The following AMBRA1 variants were observed in gnomAD, a reference collection of about 807,000 sequenced individuals.
AMBRA1 encodes the protein autophagy and beclin 1 regulator 1.
In AMBRA1, 47 loss-of-function variants were observed where a neutral mutation model predicts 125.4. The ratio of observed to expected loss-of-function variants is 0.37; its 90% CI spans 0.30 to 0.48. The LOEUF is 0.48. Ranked by LOEUF, AMBRA1 falls within the 20% of genes least tolerant of loss-of-function variation. The probability of loss-of-function intolerance (pLI) is 0.99; values close to 1 mark genes in which losing one functional copy is unlikely to be tolerated. For synonymous variants in AMBRA1, 626 were observed against 655.5 expected (o/e 0.95, Z 0.69); for missense variants, 1,331 against 1,693.4 (o/e 0.79, Z 3.76).
chr11:46,455,269 C>G (rs1436686550), intron 11 of AMBRA1, among the ~76,000 whole-genome samples: 2 of 152,062 alleles, frequency 1.3e-5, no homozygotes, highest in Non-Finnish European at 2.9e-5. Flanking sequence ...TTTAAGTGTA[C>G]AGTTCAGTAG....
intron 10 of AMBRA1, 112 bp downstream of exon 10, chr11:46,494,012 C>G (rs1590947978): frequency 9.7e-7 from 1 of 1,030,476 alleles, no homozygotes; most frequent in Non-Finnish European, 1.5e-6. Flanking sequence ...GGCTATGGGC[C>G]CACTAGGAAA....
chr11:46,511,788 G>A (rs1172645108), intron 8 of AMBRA1, among the ~76,000 whole-genome samples: 1 of 152,204 alleles, frequency 6.6e-6, no homozygotes, highest in Non-Finnish European at 1.5e-5. Flanking sequence ...CACCATCAGT[G>A]AAGGGCAGGC....
At chr11:46,552,633 C>T (rs1002746028) in intron 1 of AMBRA1, among the ~76,000 whole-genome samples, 3 of 148,356 alleles carry the variant, frequency 2.0e-5, no homozygotes, top group Non-Finnish European at 3.0e-5. Flanking sequence ...TGCAGTGAGC[C>T]GTGCCATTGC....
At chr11:46,409,758 A>T (rs994037172) in intron 16 of AMBRA1, among the ~76,000 whole-genome samples, 1 of 152,240 alleles carries the variant, frequency 6.6e-6, no homozygotes, top group African/African-American at 2.4e-5. Flanking sequence ...TATGCTCAGC[A>T]ATTCCTAGGG....
At chr11:46,585,473 C>A (rs2044337544) in intron 1 of AMBRA1, among the ~76,000 whole-genome samples, 1 of 149,374 alleles carries the variant, frequency 6.7e-6, no homozygotes. Flanking sequence ...CGAGACCATC[C>A]TGGCTAACAT....
At position 46,412,918 on chromosome 11, in the gene AMBRA1, T is replaced by A. The variant is rs867505306; in HGVS notation, c.3117-2550A>T. 2.0e-5 allele frequency among the ~76,000 whole-genome samples: 3 copies of A among 152,354 alleles called. No homozygotes were observed. In the South Asian group the frequency reaches 6.2e-4, roughly 32 times the overall value. On this transcript the variant is annotated intron_variant, in intron 15 of 17. Transcript: ENST00000683756. Reference sequence around the variant, plus strand: ...ATGTGAAGCTGGCTGCCAGGAAGACTGATTTACAAACTTGTCAAGATGTAT... The same window carrying A: ...ATGTGAAGCTGGCTGCCAGGAAGACAGATTTACAAACTTGTCAAGATGTAT...
chr11:46,463,788 A>G (rs1949205088), intron 11 of AMBRA1, among the ~76,000 whole-genome samples: 1 of 152,218 alleles, frequency 6.6e-6, no homozygotes, highest in Non-Finnish European at 1.5e-5. Context: ...CAGGGGAAAT[A>G]TAACTGCAGC....
At chr11:46,563,875 TGGC>T (rs922952524) in intron 1 of AMBRA1, among the ~76,000 whole-genome samples, 3 of 143,962 alleles carry the variant, frequency 2.1e-5, no homozygotes, top group African/African-American at 7.8e-5. Context: ...CCAGGCGTGG[TGGC>T]TCACATCTGT....
chr11:46,438,872 A>C (rs146408367), intron 12 of AMBRA1, among the ~76,000 whole-genome samples: 43 of 152,314 alleles, frequency 2.8e-4, no homozygotes, highest in African/African-American at 1.0e-3. Context: ...TCTAAACACT[A>C]ATCTCAAATC....
chr11:46,520,895 G>A (rs192007698), intron 7 of AMBRA1, among the ~76,000 whole-genome samples: 255 of 151,904 alleles, frequency 1.7e-3, no homozygotes, highest in African/African-American at 5.9e-3. Context: ...GTGAGCCACC[G>A]CGCCCGGCCC....
At chr11:46,434,171 T>C (rs1212489742) in intron 13 of AMBRA1, among the ~76,000 whole-genome samples, 3 of 151,352 alleles carry the variant, frequency 2.0e-5, no homozygotes, top group African/African-American at 7.3e-5. Flanking sequence ...TAACCGTTGT[T>C]ATCAACATTT....
At chr11:46,470,952 A>C (rs1464222679) in intron 11 of AMBRA1, among the ~76,000 whole-genome samples, 1 of 152,220 alleles carries the variant, frequency 6.6e-6, no homozygotes, top group Non-Finnish European at 1.5e-5. Flanking sequence ...ACCATATAGT[A>C]TGTTAAATTA....
At chr11:46,458,324 C>T (rs576988540) in intron 11 of AMBRA1, among the ~76,000 whole-genome samples, 1 of 152,288 alleles carries the variant, frequency 6.6e-6, no homozygotes, top group Admixed American at 6.5e-5. Flanking sequence ...GTCTTGAAGC[C>T]TGTTTAAAAC....
intron 12 of AMBRA1, among the ~76,000 whole-genome samples, chr11:46,438,286 T>TCC (rs1947826364): frequency 6.6e-6 from 1 of 152,382 alleles, no homozygotes; most frequent in African/African-American, 2.4e-5. Flanking sequence ...GGAAGCCATG[T>TCC]TCCAGACTCT....
chr11:46,541,697 T>G (rs878886957), intron 7 of AMBRA1, among the ~76,000 whole-genome samples: 2 of 152,206 alleles, frequency 1.3e-5, no homozygotes, highest in African/African-American at 2.4e-5. Context: ...ACACTCTCCT[T>G]TCAAGGCTAA....
At chr11:46,486,183 T>C (rs1168365505) in intron 11 of AMBRA1, among the ~76,000 whole-genome samples, 1 of 152,204 alleles carries the variant, frequency 6.6e-6, no homozygotes, top group Non-Finnish European at 1.5e-5. Context: ...GCCATCTTAA[T>C]TGATGTTGAG....
intron 9 of AMBRA1, among the ~76,000 whole-genome samples, chr11:46,505,867 C>T (rs1167792199): frequency 2.0e-5 from 3 of 152,142 alleles, no homozygotes; most frequent in Non-Finnish European, 2.9e-5. Context: ...AGGCAAGATA[C>T]AGCTTGAAGG....
intron 7 of AMBRA1, among the ~76,000 whole-genome samples, chr11:46,540,201 G>C (rs1952671494): frequency 6.6e-6 from 1 of 152,162 alleles, no homozygotes; most frequent in East Asian, 1.9e-4. Flanking sequence ...TCTCAGAATA[G>C]CACATGAAGA....
intron 1 of AMBRA1, 49 bp downstream of exon 1, chr11:46,593,779 G>A (rs1565337031): frequency 2.5e-6 from 1 of 393,262 alleles, no homozygotes; most frequent in Non-Finnish European, 4.5e-6. Flanking sequence ...TCTCAACCCC[G>A]CGGCGGAAGG....
Sources: gnomAD v4.1 joint callset for allele counts (sites outside exome capture counted in the v4.1 genomes callset) on GRCh38, gnomAD v4.1.1 for gene constraint, MANE v1.5 for transcripts, NCBI Gene and HGNC (gene_info 2026-07-23, HGNC 2026-07-21) for gene names.